LRRK2: variants seen among roughly 807,000 people sequenced by gnomAD.
The protein encoded by LRRK2 is leucine-rich repeat serine/threonine-protein kinase 2.
In LRRK2, 203 loss-of-function variants were observed where a neutral mutation model predicts 302.6. The observed-to-expected ratio is 0.67, with a 90% confidence interval of 0.60 to 0.75. LRRK2 has a LOEUF of 0.75. Among genes scored for constraint, LRRK2 ranks in the 30% least tolerant of loss-of-function variants. LRRK2 has a pLI of 0.00. For synonymous variants in LRRK2, 1,066 were observed against 1,031.9 expected, an observed-to-expected ratio of 1.03 and a Z score of -0.63; for missense variants, 2,830 against 2,951.0, an observed-to-expected ratio of 0.96 and a Z score of 0.95.
intron 40 of LRRK2, among the ~76,000 whole-genome samples, chr12:40,337,590 A>G (rs747843258): frequency 4.6e-5 from 7 of 151,876 alleles, no homozygotes; most frequent in Non-Finnish European, 7.4e-5. Context: ...CCTTGACTCT[A>G]TTTTACATTA....
chr12:40,309,936 C>T (rs1944979709), intron 30 of LRRK2, among the ~76,000 whole-genome samples: 1 of 152,112 alleles, frequency 6.6e-6, no homozygotes, highest in Admixed American at 6.6e-5. Flanking sequence ...AGCTAGCCAA[C>T]GTGAGCAAAT....
chr12:40,237,588 G>A (rs1941523240), intron 4 of LRRK2, among the ~76,000 whole-genome samples: 1 of 152,120 alleles, frequency 6.6e-6, no homozygotes, highest in African/African-American at 2.4e-5. Context: ...AGTGGATTAT[G>A]GTATCATTGA....
At chr12:40,345,741 C>T (rs1272119777) in intron 41 of LRRK2, among the ~76,000 whole-genome samples, 2 of 151,674 alleles carry the variant, frequency 1.3e-5, no homozygotes, top group Admixed American at 6.6e-5. Context: ...CTTTCTTGCT[C>T]TCTTTGCGTA....
At chr12:40,238,290 A>G (rs879013934) in intron 5 of LRRK2, among the ~76,000 whole-genome samples, 187 bp downstream of exon 5, 2 of 152,094 alleles carry the variant, frequency 1.3e-5, no homozygotes, top group Non-Finnish European at 2.9e-5. Context: ...GGTGGGGTGA[A>G]TTTCATTCGT....
chr12:40,244,830 A>G (rs1011440425), intron 7 of LRRK2, among the ~76,000 whole-genome samples: 2 of 151,934 alleles, frequency 1.3e-5, no homozygotes, highest in East Asian at 3.9e-4. Flanking sequence ...ACATGTATAC[A>G]TATGTAACTA....
rs534084383 is a variant in LRRK2 at position 40,307,248 on chromosome 12, T to C, written c.3960-1219T>C. 1.2e-3 allele frequency among the ~76,000 whole-genome samples: 181 copies of C among 152,170 alleles called. 1 individual carries two copies. The highest frequency in any genetic ancestry group is 3.9e-3 in the African/African-American group (161 of 41,568). Reference sequence around the variant, plus strand: ...TGCTTTTTGGTCATATCATCAGGAATGTTGGTCAGATTCTTATTAGTTACA... The same window carrying C: ...TGCTTTTTGGTCATATCATCAGGAACGTTGGTCAGATTCTTATTAGTTACA... On this transcript the variant is annotated intron_variant, in intron 28 of 50. Transcript: ENST00000298910.
chr12:40,334,882 C>T, intron 39 of LRRK2, 85 bp from the exon 40 acceptor site: 1 of 1,414,884 alleles, frequency 7.1e-7, no homozygotes, highest in Non-Finnish European at 9.9e-7. Context: ...AATCCATGTT[C>T]AGCCTGTTGA....
At position 40,320,930 on chromosome 12, in the gene LRRK2, G is replaced by A; in HGVS notation, c.5016-104G>A. 4 of 1,346,202 alleles carry A rather than the reference G, an allele frequency of 3.0e-6. No homozygotes were observed. The East Asian group carries it at 9.3e-5, about 31-fold the overall frequency. 83.4% of individuals were successfully genotyped at this position (1,346,202 alleles called of 1,614,324 possible). A position where few individuals can be genotyped will look rare whatever the true frequency, so the allele number is the denominator to read the frequency against. On this transcript the variant is annotated intron_variant, in intron 34 of 50. Transcript: ENST00000298910. Reference sequence around the variant, plus strand: ...ACAATGTTACAAAAAGATTACAATTGTTTGGAATGATTACCTTCATTGACT... The same window carrying A: ...ACAATGTTACAAAAAGATTACAATTATTTGGAATGATTACCTTCATTGACT...
intron 18 of LRRK2, among the ~76,000 whole-genome samples, chr12:40,283,501 AGGTACT>A (rs981906222): frequency 6.6e-6 from 1 of 152,234 alleles, no homozygotes. Context: ...TACTGTGTTA[AGGTACT>A]GGTTTCCCAG....
Position 40,335,191 on chromosome 12 carries a change from T to C in LRRK2, c.5948+34T>C, listed in dbSNP as rs17444152. 6.7e-3 allele frequency: 10,764 copies of C among 1,608,820 alleles called. 51 individuals carry two copies. Among genetic ancestry groups the C allele is most frequent in the Non-Finnish European group, 7.8e-3 (9,209 of 1,175,790 alleles). ...GTCATGTTGTTTTCTATTCAGTGCA[T>C]GACAAGTGTGATCCAGACTTGCTCT... On this transcript the variant is annotated intron_variant, in intron 40 of 50. Transcript: ENST00000298910.
intron 30 of LRRK2, 39 bp from the exon 31 acceptor site, chr12:40,310,392 G>C (rs1479329769): frequency 6.2e-7 from 1 of 1,604,268 alleles, no homozygotes; most frequent in Non-Finnish European, 8.5e-7. Context: ...GGCCCAGTTT[G>C]AAAGCAAACA....
intron 28 of LRRK2, 74 bp downstream of exon 28, chr12:40,306,040 A>G: frequency 8.9e-7 from 1 of 1,128,110 alleles, no homozygotes; most frequent in East Asian, 2.5e-5. Flanking sequence ...TTTGATGGAC[A>G]TATATTGTTA....
At position 40,275,047 on chromosome 12, in the gene LRRK2, G is replaced by A. The variant is rs1039248831; in HGVS notation, c.1941+54G>A. 9.3e-6 allele frequency: 15 copies of A among 1,604,934 alleles called. No homozygotes were observed. In the African/African-American group the frequency reaches 2.0e-4, roughly 21 times the overall value. On this transcript the variant is annotated intron_variant, in intron 16 of 50. Coordinates refer to ENST00000298910, the MANE Select transcript of LRRK2 (RefSeq NM_198578.4). ...GGAACTTGTGCGAATTTCACTTTTG[G>A]AGCAGTTTGTGTAATTCCCACTTTG...
intron 25 of LRRK2, among the ~76,000 whole-genome samples, chr12:40,300,191 G>A (rs1211666949): frequency 6.6e-6 from 1 of 152,106 alleles, no homozygotes; most frequent in South Asian, 2.1e-4. Context: ...TGAAGTTAAT[G>A]TATATTCATT....
rs199721683 is a variant in LRRK2 at position 40,366,987 on chromosome 12, A to C, written c.7391-19A>C. ...TATATAGTTTTAACAGAAAACTTAC[A>C]TATTTTGTTTTTGTAAAGGAAGCCT... is the stretch of plus-strand genomic sequence containing the variant. On this transcript the variant is annotated intron_variant, in intron 49 of 50. Transcript: ENST00000298910. 1 of 1,594,996 alleles carries C rather than the reference A, an allele frequency of 6.3e-7. No homozygotes were observed. Among genetic ancestry groups the C allele is most frequent in the Non-Finnish European group, 8.6e-7 (1 of 1,164,308 alleles).
chr12:40,361,251 T>TA (rs2137036027), intron 47 of LRRK2, among the ~76,000 whole-genome samples: 1 of 152,198 alleles, frequency 6.6e-6, no homozygotes, highest in South Asian at 2.1e-4. Flanking sequence ...TTTACATATT[T>TA]ATTTACTAGT....
intron 14 of LRRK2, among the ~76,000 whole-genome samples, chr12:40,268,153 A>G (rs1188392302): frequency 6.6e-6 from 1 of 152,174 alleles, no homozygotes; most frequent in East Asian, 1.9e-4. Context: ...TGTTCCAGAG[A>G]GATATATTTG....
At chr12:40,248,193 A>G (rs1386171946) in intron 7 of LRRK2, among the ~76,000 whole-genome samples, 2 of 152,122 alleles carry the variant, frequency 1.3e-5, no homozygotes, top group East Asian at 1.9e-4. Context: ...ATGTTTTACA[A>G]TTTACCACAG....
chr12:40,321,675 A>C (rs537924486), intron 35 of LRRK2, among the ~76,000 whole-genome samples: 66 of 152,218 alleles, frequency 4.3e-4, no homozygotes, highest in Non-Finnish European at 5.3e-4. Flanking sequence ...ATTAATCAAC[A>C]TATAGGTAGT....
Sources: gnomAD v4.1 joint callset for allele counts (sites outside exome capture counted in the v4.1 genomes callset) on GRCh38, gnomAD v4.1.1 for gene constraint, MANE v1.5 for transcripts, NCBI Gene and HGNC (gene_info 2026-07-23, HGNC 2026-07-21) for gene names.